The following NECAB2 variants were observed in gnomAD, a reference collection of about 807,000 sequenced individuals.
The protein encoded by NECAB2 is N-terminal EF-hand calcium binding protein 2.
Under a neutral mutation model 51.9 loss-of-function variants are expected in NECAB2, and 68 were observed. The ratio of observed to expected loss-of-function variants is 1.31; its 90% CI spans 1.08 to 1.60. The LOEUF is 1.60. Ranked by LOEUF, NECAB2 falls within the 40% of genes most tolerant of loss-of-function variation. The pLI is 0.00. For synonymous variants in NECAB2, 329 were observed against 203.5 expected, an observed-to-expected ratio of 1.62 and a Z score of -5.25; for missense variants, 854 against 490.3, an observed-to-expected ratio of 1.74 and a Z score of -7.00.
Position 83,997,231 on chromosome 16 carries a change from C to G in NECAB2, c.811C>G (p.Leu271Val), listed in dbSNP as rs781126518. ...RLESKALWFD[L>V]QQRLSDEDGT... ...ATTGTTTCAGGCACTGTGGTTCGAC[C>G]TGCAGCAGCGCCTGTCAGATGAAGA... The change falls in exon 9 of 13, where the codon CTG becomes GTG. Residue 271 changes from leucine to valine, a missense_variant. By Grantham distance (32) the Leu-to-Val change is conservative (BLOSUM62 1). Coordinates refer to ENST00000305202, the MANE Select transcript of NECAB2 (RefSeq NM_019065.3). 6 of 1,614,036 alleles carry G rather than the reference C, an allele frequency of 3.7e-6. No individual in the cohort carries two copies. The highest frequency in any genetic ancestry group is 5.1e-6 in the Non-Finnish European group (6 of 1,180,034).
intron 5 of NECAB2, among the ~76,000 whole-genome samples, chr16:83,990,092 C>G (rs1174609886): frequency 6.6e-6 from 1 of 152,208 alleles, no homozygotes; most frequent in Non-Finnish European, 1.5e-5. Flanking sequence ...CTACCAGTCA[C>G]TATCACTGCC....
Position 83,986,501 on chromosome 16 carries a change from A to G in NECAB2, c.460-3993A>G, listed in dbSNP as rs78639001. Among the ~76,000 whole-genome samples, 1,036 of 152,220 alleles carry G rather than the reference A, an allele frequency of 6.8e-3. 12 individuals are homozygous for G. The highest frequency in any genetic ancestry group is 0.024 in the African/African-American group (994 of 41,506). Reference sequence around the variant, plus strand: ...ATTGCCCTGTGGAGAGTGCCAGACAAACTTCCTGTGCATTTCTGTATAAGA... The same window carrying G: ...ATTGCCCTGTGGAGAGTGCCAGACAGACTTCCTGTGCATTTCTGTATAAGA... On this transcript the variant is annotated intron_variant, in intron 5 of 12. Coordinates refer to ENST00000305202, the MANE Select transcript of NECAB2 (RefSeq NM_019065.3).
chr16:83,978,527 C>T lies in NECAB2; in HGVS notation c.310C>T (p.His104Tyr). The change falls in exon 3 of 13, where the codon CAC becomes TAC. Residue 104 changes from histidine (H) to tyrosine (Y), a missense_variant. Transcript: ENST00000305202. ...LNEKELEDLF[H>Y]TIDSDNTNHV... ...TGAGAAAGAACTGGAGGATCTCTTT[C>T]ACACGATTGACTCTGACAACACCAA... The T allele has an allele frequency of 1.2e-6, 2 of 1,613,756 alleles. No homozygotes were observed. The highest frequency in any genetic ancestry group is 1.7e-6 in the Non-Finnish European group (2 of 1,179,868).
chr16:83,988,835 C>CG (rs2084586978), intron 5 of NECAB2, among the ~76,000 whole-genome samples: 2 of 124,032 alleles, frequency 1.6e-5, no homozygotes, highest in Admixed American at 6.8e-5. Flanking sequence ...GCTCAGTCCC[C>CG]CCCCATTATG....
At chr16:83,999,212 C>T (rs1006020441) in intron 10 of NECAB2, among the ~76,000 whole-genome samples, 2 of 152,142 alleles carry the variant, frequency 1.3e-5, no homozygotes, top group Admixed American at 6.5e-5. Context: ...AGGAGTGCGG[C>T]CGTTCCCGAG....
At chr16:83,982,091 T>C (rs1257312316) in intron 5 of NECAB2, among the ~76,000 whole-genome samples, 2 of 152,230 alleles carry the variant, frequency 1.3e-5, no homozygotes, top group East Asian at 1.9e-4. Context: ...CTCTGAGCTA[T>C]TGAGCATGCA....
rs75238293 is a variant in NECAB2, at chr16:83,986,521, A to G, written c.460-3973A>G. Among the ~76,000 whole-genome samples, 628 of 152,118 alleles carry G rather than the reference A, an allele frequency of 4.1e-3. 5 individuals carry two copies. The highest frequency in any genetic ancestry group is 0.015 in the African/African-American group (610 of 41,502). ...AGACAAACTTCCTGTGCATTTCTGTATAAGAGATAAAGACGGGGTCTTGTT... is the reference window on the plus strand; with the variant it reads ...AGACAAACTTCCTGTGCATTTCTGTGTAAGAGATAAAGACGGGGTCTTGTT... On this transcript the variant is annotated intron_variant, in intron 5 of 12. Coordinates refer to ENST00000305202, the MANE Select transcript of NECAB2 (RefSeq NM_019065.3).
chr16:83,993,676 CTGCCTG>C (rs2084655657), intron 6 of NECAB2: 1 of 155,974 alleles, frequency 6.4e-6, no homozygotes, highest in African/African-American at 2.5e-5. Context: ...GTGTCTGCCT[CTGCCTG>C]TGGCTAGCTG....
Position 83,990,528 on chromosome 16 carries a change from T to C in NECAB2, c.494T>C (p.Val165Ala). ...GGTGGGAGCAACGTGGACCAGTTTG[T>C]GACCCGCTTCCTCCTGAAGGAGACG... The part of the protein sequence containing the change: ...YEGGSNVDQF[V>A]TRFLLKETAN... Residue 165 changes from valine (V) to alanine (A), a missense_variant, in exon 6 of 13, where the codon GTG (valine) becomes GCG (alanine). Val to Ala is a moderately conservative substitution (Grantham distance 64, BLOSUM62 0). Coordinates refer to ENST00000305202, the MANE Select transcript of NECAB2 (RefSeq NM_019065.3). 6.2e-7 allele frequency: 1 copy of C among 1,614,178 alleles called. No homozygotes were observed. Among genetic ancestry groups the C allele is most frequent in the Non-Finnish European group, 8.5e-7 (1 of 1,180,044 alleles).
At chr16:83,967,440 TGGTG>T (rs1337713385), upstream of NECAB2, among the ~76,000 whole-genome samples, 3 of 54,094 alleles carry the variant, frequency 5.5e-5, no homozygotes, top group African/African-American at 1.6e-4. Context: ...GATGGGAGGA[TGGTG>T]GGTGGGTGGA....
chr16:83,987,900 C>G (rs1270542820), intron 5 of NECAB2, among the ~76,000 whole-genome samples: 1 of 152,182 alleles, frequency 6.6e-6, no homozygotes, highest in African/African-American at 2.4e-5. Flanking sequence ...ATCGAAGTCC[C>G]CATAGCTATA....
chr16:83,968,812 C>T lies in NECAB2; in HGVS notation c.164C>T (p.Pro55Leu), dbSNP rs945716872. Residue 55 changes from proline (P) to leucine (L), a missense_variant, in exon 1 of 13, where the codon CCA (proline) becomes CTA (leucine). Physicochemically the swap from Pro to Leu is moderately conservative, Grantham distance 98. Coordinates refer to ENST00000305202, the MANE Select transcript of NECAB2 (RefSeq NM_019065.3). ...CCCGCCGCCCCCGCGGACCCCGGCCCAGCCTCGCCGCGCGGGGGCACCGCC... is the reference window on the plus strand; with the variant it reads ...CCCGCCGCCCCCGCGGACCCCGGCCTAGCCTCGCCGCGCGGGGGCACCGCC... Reference protein sequence around the residue: ...LAPAAPADPGPASPRGGTAVI... With the variant: ...LAPAAPADPGLASPRGGTAVI... 1.8e-6 allele frequency: 2 copies of T among 1,127,916 alleles called. No homozygotes were observed. Among genetic ancestry groups the T allele is most frequent in the Admixed American group, 5.0e-5 (1 of 20,096 alleles). The allele number at this position is 1,127,916 out of a possible 1,614,324, so 69.9% of individuals were successfully genotyped here. A position where few individuals can be genotyped will look rare whatever the true frequency, so the allele number is the denominator to read the frequency against.
At position 84,002,554 on chromosome 16, in the gene NECAB2, A is replaced by AAGCCCAAGGTTG; in HGVS notation, c.*210_*221dup. 1 of 659,864 alleles carries AAGCCCAAGGTTG rather than the reference A, an allele frequency of 1.5e-6. No homozygotes were observed. The highest frequency in any genetic ancestry group is 1.9e-5 in the South Asian group (1 of 53,884). 40.9% of individuals were successfully genotyped at this position (659,864 alleles called of 1,614,324 possible). A position where few individuals can be genotyped will look rare whatever the true frequency, so the allele number is the denominator to read the frequency against. On this transcript the variant is annotated 3_prime_UTR_variant, in exon 13 of 13. Coordinates refer to ENST00000305202, the MANE Select transcript of NECAB2 (RefSeq NM_019065.3). ...GTGTCTGTGCTGCCAGGTCCTGGTG[A>AAGCCCAAGGTTG]AGCCCAAGGTTGAAGGGGGCGGCTT...
intron 9 of NECAB2, 31 bp from the exon 10 acceptor site, chr16:83,998,174 G>A (rs748117718): frequency 1.9e-6 from 3 of 1,596,742 alleles, no homozygotes; most frequent in South Asian, 2.2e-5. Context: ...CTGACGTGGA[G>A]CCCCACACTG....
intron 5 of NECAB2, among the ~76,000 whole-genome samples, chr16:83,985,590 C>T (rs1317378279): frequency 4.6e-5 from 7 of 150,652 alleles, no homozygotes; most frequent in East Asian, 2.0e-4. Context: ...CCGAGACTGC[C>T]CCACTGCACT....
In NECAB2 at chr16:83,998,796, G is replaced by GCTCTTCTCC. The variant is rs2084760623; in HGVS notation, c.962+480_962+481insTCTTCTCCC. On this transcript the variant is annotated intron_variant, in intron 10 of 12. Coordinates refer to ENST00000305202, the MANE Select transcript of NECAB2 (RefSeq NM_019065.3). ...AGGGAAATGCCCAAGTCATGTAGTT[G>GCTCTTCTCC]CCCTTCTCCCCCTGATGTGCTGAGA... is the stretch of plus-strand genomic sequence containing the variant. Among the ~76,000 whole-genome samples, 5 of 121,550 alleles carry GCTCTTCTCC rather than the reference G, an allele frequency of 4.1e-5. No homozygotes were observed. The South Asian group carries it at 7.0e-4, about 17-fold the overall frequency. The allele number at this position is 121,550 out of a possible 152,430, so 79.7% of individuals were successfully genotyped here.
chr16:83,968,528 C>A lies in NECAB2; in HGVS notation c.-121C>A. 1 of 828,736 alleles carries A rather than the reference C, an allele frequency of 1.2e-6. No individual in the cohort carries two copies. 51.3% of individuals were successfully genotyped at this position (828,736 alleles called of 1,614,324 possible). Reference sequence around the variant, plus strand: ...CCAGTCCCCGCGGTGTCCGCGGCCGCGGGGGCAGCGGGAGAGAGGGCGGGG... The same window carrying A: ...CCAGTCCCCGCGGTGTCCGCGGCCGAGGGGGCAGCGGGAGAGAGGGCGGGG... On this transcript the variant is annotated 5_prime_UTR_variant, in exon 1 of 13. Transcript: ENST00000305202.
chr16:83,985,672 C>T (rs201471325), intron 5 of NECAB2, among the ~76,000 whole-genome samples: 76 of 151,888 alleles, frequency 5.0e-4, no homozygotes, highest in African/African-American at 1.8e-3. Flanking sequence ...GTTCCCATAG[C>T]AATCACAGAT....
upstream of NECAB2, chr16:83,965,385 C>T: frequency 6.4e-7 from 1 of 1,574,330 alleles, no homozygotes; most frequent in Non-Finnish European, 8.6e-7. Context: ...GAGCTGTCTG[C>T]CCTGGAGGCC....
Sources: allele counts gnomAD v4.1 joint callset (sites outside exome capture counted in the v4.1 genomes callset), GRCh38; gene constraint gnomAD v4.1.1; transcripts MANE v1.5; gene names NCBI Gene and HGNC (gene_info 2026-07-23, HGNC 2026-07-21).